XPNPEP1: variants seen among roughly 807,000 people sequenced by gnomAD.
XPNPEP1 encodes the protein xaa-Pro aminopeptidase 1.
In XPNPEP1, 39 loss-of-function variants were observed where a neutral mutation model predicts 92.4. That is an observed-to-expected ratio of 0.42 (90% CI 0.33 to 0.55). The LOEUF (loss-of-function observed/expected upper bound fraction) is 0.55, where lower values mean the gene tolerates loss of function less well. XPNPEP1 is among the 20% of genes least tolerant of loss of function. XPNPEP1 has a pLI of 0.08. For synonymous variants in XPNPEP1, 307 were observed against 299.4 expected (o/e 1.03, Z -0.26); for missense variants, 654 against 856.1 (o/e 0.76, Z 2.95).
intron 2 of XPNPEP1, among the ~76,000 whole-genome samples, chr10:109,908,979 T>A (rs1849707723): frequency 6.6e-6 from 1 of 152,094 alleles, no homozygotes; most frequent in South Asian, 2.1e-4. Flanking sequence ...CTTTAAAGTA[T>A]GGCGGGAGTG....
chr10:109,918,117 A>AAAAAAAAC (rs1423940368), intron 1 of XPNPEP1, among the ~76,000 whole-genome samples: 1 of 151,982 alleles, frequency 6.6e-6, no homozygotes, highest in East Asian at 1.9e-4. Context: ...CTGCCTCAAA[A>AAAAAAAAC]AAAAAAACAA....
In XPNPEP1 at chr10:109,869,956, G is replaced by A; in HGVS notation, c.1770C>T (p.Thr590=). Residue 590 remains threonine (T), a synonymous_variant, in exon 19 of 21, where the codon ACC becomes ACT. Transcript: ENST00000502935. ...ENVVLVVPVK[T]KYNFNNRGSL... ...AATTTTTTTAATAAATCCTCACCTT[G>A]GTCTTCACAGGAACCACAAGGACAA... 5.6e-6 allele frequency: 9 copies of A among 1,614,016 alleles called. No individual in the cohort carries two copies. The highest frequency in any genetic ancestry group is 7.6e-6 in the Non-Finnish European group (9 of 1,179,976).
At chr10:109,903,988 C>T (rs1452840808) in intron 3 of XPNPEP1, among the ~76,000 whole-genome samples, 1 of 151,478 alleles carries the variant, frequency 6.6e-6, no homozygotes, top group Non-Finnish European at 1.5e-5. Flanking sequence ...AGGACTACAG[C>T]CATGAGCCAC....
Position 109,888,114 on chromosome 10 carries a change from T to G in XPNPEP1, c.587A>C (p.Lys196Thr). ...GCGCTCAGGACGGTCTGTCCAGATT[T>G]TGTCAACGAGGTTCTCCTTGACAGG... is the stretch of plus-strand genomic sequence containing the variant. ...LIPVKENLVD[K>T]IWTDRPERPC... is the part of the protein sequence containing the mutation. The change falls in exon 7 of 21, where the codon AAA becomes ACA. Residue 196 changes from lysine to threonine, a missense_variant. Coordinates refer to ENST00000502935, the MANE Select transcript of XPNPEP1 (RefSeq NM_020383.4). 2 of 1,614,076 alleles carry G rather than the reference T, an allele frequency of 1.2e-6. No individual in the cohort carries two copies. The highest frequency in any genetic ancestry group is 1.7e-6 in the Non-Finnish European group (2 of 1,180,022).
At position 109,880,822 on chromosome 10, in the gene XPNPEP1, G is replaced by A; in HGVS notation, c.1131+20C>T. ...CTGACCACCTCACATCCCATCTTCT[G>A]CACCAGCTCCTCTACTCACGTGAGC... is the stretch of plus-strand genomic sequence containing the variant. On this transcript the variant is annotated intron_variant, in intron 11 of 20. Transcript: ENST00000502935. The A allele has an allele frequency of 6.2e-7, 1 of 1,612,160 alleles. No individual in the cohort carries two copies. The highest frequency in any genetic ancestry group is 8.5e-7 in the Non-Finnish European group (1 of 1,179,002).
intron 5 of XPNPEP1, 132 bp downstream of exon 5, chr10:109,891,590 C>G: frequency 1.5e-6 from 1 of 660,268 alleles, no homozygotes; most frequent in Non-Finnish European, 2.4e-6. Context: ...TTTTTTTTTT[C>G]TCAGTTTTCC....
chr10:109,887,581 A>AC (rs1356302368), intron 7 of XPNPEP1, among the ~76,000 whole-genome samples: 1 of 152,078 alleles, frequency 6.6e-6, no homozygotes, highest in Non-Finnish European at 1.5e-5. Flanking sequence ...CATGCTGCTT[A>AC]CCCATCACTA....
chr10:109,866,368 TAGC>T (rs1847143850), intron 20 of XPNPEP1, among the ~76,000 whole-genome samples: 1 of 152,150 alleles, frequency 6.6e-6, no homozygotes, highest in South Asian at 2.1e-4. Context: ...AAGAGCCTAG[TAGC>T]CCCTTCTGGG....
chr10:109,881,518 T>TA (rs1564757980), intron 10 of XPNPEP1, among the ~76,000 whole-genome samples: 2 of 152,238 alleles, frequency 1.3e-5, no homozygotes, highest in Non-Finnish European at 2.9e-5. Context: ...AAATTGCTTT[T>TA]GTGATCTTAT....
intron 16 of XPNPEP1, among the ~76,000 whole-genome samples, chr10:109,872,864 C>A (rs1847564082): frequency 6.6e-6 from 1 of 152,200 alleles, no homozygotes; most frequent in South Asian, 2.1e-4. Flanking sequence ...AGCTCTGAAG[C>A]CAGGTCTCCA....
chr10:109,910,849 A>G (rs1849828908), intron 2 of XPNPEP1, among the ~76,000 whole-genome samples: 1 of 152,274 alleles, frequency 6.6e-6, no homozygotes, highest in South Asian at 2.1e-4. Flanking sequence ...AAACATTGTA[A>G]CATAACTCTG....
chr10:109,910,544 C>CAA (rs200098456), intron 2 of XPNPEP1, among the ~76,000 whole-genome samples: 2 of 100,514 alleles, frequency 2.0e-5, no homozygotes, highest in Non-Finnish European at 4.2e-5. Context: ...AACTCTGTCT[C>CAA]AAAAAAAAAA....
At chr10:109,900,638 C>T (rs1849233274) in intron 3 of XPNPEP1, among the ~76,000 whole-genome samples, 1 of 152,152 alleles carries the variant, frequency 6.6e-6, no homozygotes. Context: ...ACCCCAGTAC[C>T]CAAGTCCAGG....
chr10:109,908,435 T>C (rs946624470), intron 2 of XPNPEP1, among the ~76,000 whole-genome samples: 2 of 152,070 alleles, frequency 1.3e-5, no homozygotes, highest in Non-Finnish European at 2.9e-5. Context: ...AAACCCCGTC[T>C]CTACAAAATA....
chr10:109,914,601 A>G (rs1021942840), intron 2 of XPNPEP1, among the ~76,000 whole-genome samples: 2 of 152,178 alleles, frequency 1.3e-5, no homozygotes, highest in African/African-American at 4.8e-5. Flanking sequence ...GTTCAAGACC[A>G]GCCTGGCCAA....
At chr10:109,906,354 T>C (rs375902316) in intron 3 of XPNPEP1, among the ~76,000 whole-genome samples, 8 of 152,156 alleles carry the variant, frequency 5.3e-5, no homozygotes, top group African/African-American at 1.9e-4. Flanking sequence ...GGAAAAGATA[T>C]AAATGTAGGT....
intron 7 of XPNPEP1, among the ~76,000 whole-genome samples, 172 bp downstream of exon 7, chr10:109,887,877 G>A (rs1433401439): frequency 6.6e-6 from 1 of 152,252 alleles, no homozygotes; most frequent in Non-Finnish European, 1.5e-5. Context: ...GGTGGCAACA[G>A]TGGAAACAAA....
intron 10 of XPNPEP1, 130 bp downstream of exon 10, chr10:109,882,302 A>G (rs1312381642): frequency 1.9e-6 from 2 of 1,030,714 alleles, no homozygotes; most frequent in African/African-American, 1.6e-5. Context: ...TCCAGCTTTA[A>G]GGCCTCATCC....
In XPNPEP1 at chr10:109,923,438, C is replaced by T. The variant is rs1385348724; in HGVS notation, c.-5G>A. The T allele has an allele frequency of 1.4e-6, 2 of 1,438,074 alleles. No individual in the cohort carries two copies. The highest frequency in any genetic ancestry group is 9.1e-7 in the Non-Finnish European group (1 of 1,094,854). 89.1% of individuals were successfully genotyped at this position (1,438,074 alleles called of 1,614,324 possible). A position where few individuals can be genotyped will look rare whatever the true frequency, so the allele number is the denominator to read the frequency against. ...TGGCTTTCTGGAGGCTGCCATTCGG[C>T]GGTGACGTGCCCCAGCCCACGTCAG... is the stretch of plus-strand genomic sequence containing the variant. On this transcript the variant is annotated 5_prime_UTR_variant, in exon 1 of 21. Transcript: ENST00000502935.
Sources: gnomAD v4.1 joint callset for allele counts (sites outside exome capture counted in the v4.1 genomes callset) on GRCh38, gnomAD v4.1.1 for gene constraint, MANE v1.5 for transcripts, NCBI Gene and HGNC (gene_info 2026-07-23, HGNC 2026-07-21) for gene names.